ORC4: variants seen among roughly 807,000 people sequenced by gnomAD.
ORC4 encodes the protein origin recognition complex, subunit 4 homolog.
Under a neutral mutation model 63.9 loss-of-function variants are expected in ORC4, and 55 were observed. The observed-to-expected ratio is 0.86, with a 90% CI of 0.69 to 1.08. The LOEUF (loss-of-function observed/expected upper bound fraction) is 1.08, where lower values mean the gene tolerates loss of function less well. ORC4 is among the 50% of genes least tolerant of loss of function. The pLI, the probability that ORC4 is intolerant of heterozygous loss-of-function variation, is 0.00. For missense variants in ORC4, 511 were observed against 504.4 expected (o/e 1.01, Z -0.13); for synonymous variants, 150 against 168.5 (o/e 0.89, Z 0.85).
At chr2:147,937,557 T>G (rs1345994) in intron 13 of ORC4, among the ~76,000 whole-genome samples, 49,590 of 152,058 alleles carry the variant, frequency 0.33, 8,331 homozygotes, top group East Asian at 0.51. Flanking sequence ...TCTTCTATAA[T>G]GATTATAGAA....
chr2:147,931,021 A>G lies in ORC4; in HGVS notation c.*4489T>C, dbSNP rs71413604. On this transcript the variant is annotated 3_prime_UTR_variant, in exon 14 of 14. Coordinates refer to ENST00000392857, the MANE Select transcript of ORC4 (RefSeq NM_181741.4). ...TCCCTCCCCCATCCCCCCACCCCAC[A>G]ACAGTCCCCAGAGTGTGATATTCCC... is the stretch of plus-strand genomic sequence containing the variant. The G allele has an allele frequency of 1.7e-5, 2 of 115,986 alleles. No individual in the cohort carries two copies. Among genetic ancestry groups the G allele is most frequent in the Non-Finnish European group, 3.5e-5 (2 of 56,590 alleles). The allele number at this position is 115,986 out of a possible 1,614,324, so 7.2% of individuals were successfully genotyped here. A position where few individuals can be genotyped will look rare whatever the true frequency, so the allele number is the denominator to read the frequency against.
intron 4 of ORC4, among the ~76,000 whole-genome samples, chr2:147,969,059 C>G (rs977904947): frequency 6.6e-6 from 1 of 151,908 alleles, no homozygotes; most frequent in African/African-American, 2.4e-5. Context: ...TGCGTTTTCA[C>G]TCATCTATGG....
intron 1 of ORC4, among the ~76,000 whole-genome samples, chr2:148,010,527 C>T (rs533279668): frequency 6.6e-6 from 1 of 151,870 alleles, no homozygotes; most frequent in Non-Finnish European, 1.5e-5. Flanking sequence ...ATTGATATCA[C>T]AAAAATTCAA....
In ORC4 at chr2:147,934,807, T is replaced by A. The variant is rs1687952686; in HGVS notation, c.*703A>T. 6.6e-6 allele frequency: 1 copy of A among 152,218 alleles called. No homozygotes were observed. 9.4% of individuals were successfully genotyped at this position (152,218 alleles called of 1,614,324 possible). On this transcript the variant is annotated 3_prime_UTR_variant, in exon 14 of 14. Coordinates refer to ENST00000392857, the MANE Select transcript of ORC4 (RefSeq NM_181741.4). ...TGAGACCACCCTTTATACAATGTCA[T>A]TGACCAAAATGTTACGTGGTGCCAT...
chr2:147,992,732 T>C (rs1691698064), intron 1 of ORC4, among the ~76,000 whole-genome samples: 1 of 152,116 alleles, frequency 6.6e-6, no homozygotes, highest in Non-Finnish European at 1.5e-5. Flanking sequence ...TACTCCAAAA[T>C]AAAGTCCTCC....
At chr2:147,992,055 T>C (rs554489657) in intron 1 of ORC4, among the ~76,000 whole-genome samples, 41 of 152,288 alleles carry the variant, frequency 2.7e-4, no homozygotes, top group Non-Finnish European at 4.7e-4. Flanking sequence ...TTAGAAATCC[T>C]TTAGAAGCTT....
chr2:148,016,457 G>C (rs151054622), intron 1 of ORC4, among the ~76,000 whole-genome samples: 518 of 152,286 alleles, frequency 3.4e-3, no homozygotes, highest in East Asian at 8.3e-3. Flanking sequence ...TCAACAGAAA[G>C]GGCCCAATTC....
At chr2:147,992,094 A>C (rs1170399296) in intron 1 of ORC4, among the ~76,000 whole-genome samples, 2 of 152,214 alleles carry the variant, frequency 1.3e-5, no homozygotes, top group East Asian at 3.8e-4. Flanking sequence ...TCTTACTGGC[A>C]CTGACATAAC....
At position 147,950,397 on chromosome 2, in the gene ORC4, A is replaced by G. The variant is rs537972029; in HGVS notation, c.588+1976T>C. Among the ~76,000 whole-genome samples the G allele has an allele frequency of 2.7e-4, 41 of 152,338 alleles. No individual in the cohort carries two copies. In the East Asian group the frequency reaches 7.3e-3, roughly 27 times the overall value. ...AAAATGGAATTACTCCCAATGGGGA[A>G]GAAGATGCTTGCTGGCAAAGTCACT... On this transcript the variant is annotated intron_variant, in intron 8 of 13. Coordinates refer to ENST00000392857, the MANE Select transcript of ORC4 (RefSeq NM_181741.4).
At chr2:147,965,764 G>A (rs1229921292) in intron 4 of ORC4, among the ~76,000 whole-genome samples, 3 of 152,146 alleles carry the variant, frequency 2.0e-5, no homozygotes, top group African/African-American at 4.8e-5. Context: ...ACTGCAGAAT[G>A]TACATTCTTC....
At chr2:147,966,086 T>C (rs1689876930) in intron 4 of ORC4, among the ~76,000 whole-genome samples, 1 of 151,676 alleles carries the variant, frequency 6.6e-6, no homozygotes, top group African/African-American at 2.4e-5. Context: ...TTAAAAACTA[T>C]ACAAAAATAT....
intron 1 of ORC4, among the ~76,000 whole-genome samples, chr2:148,003,150 CA>C (rs1446011066): frequency 1.3e-5 from 2 of 152,148 alleles, no homozygotes; most frequent in African/African-American, 4.8e-5. Flanking sequence ...AGCCCAGGAC[CA>C]GATGGATTCA....
intron 1 of ORC4, among the ~76,000 whole-genome samples, chr2:147,991,370 GTACT>G (rs1327802717): frequency 6.6e-6 from 1 of 151,856 alleles, no homozygotes; most frequent in East Asian, 1.9e-4. Context: ...TTTAATAAGT[GTACT>G]TACTTTATAA....
At chr2:147,994,168 A>T (rs1024215281) in intron 1 of ORC4, among the ~76,000 whole-genome samples, 1 of 152,242 alleles carries the variant, frequency 6.6e-6, no homozygotes, top group Non-Finnish European at 1.5e-5. Flanking sequence ...AATATGTACA[A>T]GATCTCTATG....
rs70992183 is a variant in ORC4 at position 147,986,790 on chromosome 2, T to TACACACACACACACACAC, written c.-17-10833_-17-10816dup. ...AATTTTATACAGACACACACACACA[T>TACACACACACACACACAC]ACACACACACACACACACACACACT... On this transcript the variant is annotated intron_variant, in intron 1 of 13. Transcript: ENST00000392857. Among the ~76,000 whole-genome samples, 346 of 148,646 alleles carry TACACACACACACACACAC rather than the reference T, an allele frequency of 2.3e-3. 1 individual carries two copies. Among genetic ancestry groups the TACACACACACACACACAC allele is most frequent in the African/African-American group, 8.1e-3 (326 of 40,376 alleles).
intron 1 of ORC4, among the ~76,000 whole-genome samples, chr2:147,985,221 G>A (rs1258798753): frequency 6.6e-6 from 1 of 152,038 alleles, no homozygotes; most frequent in Non-Finnish European, 1.5e-5. Flanking sequence ...TTTTGAGACA[G>A]AGTCTCGCTC....
intron 1 of ORC4, among the ~76,000 whole-genome samples, chr2:148,009,495 T>G (rs1692824370): frequency 6.6e-6 from 1 of 152,056 alleles, no homozygotes; most frequent in South Asian, 2.1e-4. Flanking sequence ...GGTTATCATA[T>G]AATACAAAAG....
intron 9 of ORC4, 41 bp from the exon 10 acceptor site, chr2:147,943,563 ATGTAG>A: frequency 8.1e-7 from 1 of 1,233,006 alleles, no homozygotes; most frequent in Non-Finnish European, 1.2e-6. Flanking sequence ...TTGAGGAAAG[ATGTAG>A]TTTAAAACCT....
At chr2:147,941,772 G>GTA (rs555279244) in intron 10 of ORC4, among the ~76,000 whole-genome samples, 530 of 151,322 alleles carry the variant, frequency 3.5e-3, no homozygotes, top group East Asian at 8.4e-3. Context: ...AGATGTGTGT[G>GTA]TATATATATA....
Sources: gnomAD v4.1 joint callset for allele counts (sites outside exome capture counted in the v4.1 genomes callset) on GRCh38, gnomAD v4.1.1 for gene constraint, MANE v1.5 for transcripts, NCBI Gene and HGNC (gene_info 2026-07-23, HGNC 2026-07-21) for gene names.